The following PHACTR3 variants were observed in gnomAD, a reference collection of about 807,000 sequenced individuals.
PHACTR3 encodes the protein protein phosphatase 1, regulatory subunit 123.
A neutral mutation model predicts 66.8 loss-of-function variants in PHACTR3; 16 were observed. That is an observed-to-expected ratio of 0.24 (90% confidence interval 0.16 to 0.36). PHACTR3 has a LOEUF of 0.36. Ranked by LOEUF, PHACTR3 falls within the 10% of genes least tolerant of loss-of-function variation. The pLI, the probability that PHACTR3 is intolerant of heterozygous loss-of-function variation, is 1.00. For synonymous variants in PHACTR3, 323 were observed against 292.1 expected (o/e 1.11, Z -1.08); for missense variants, 647 against 719.9 (o/e 0.90, Z 1.16).
intron 1 of PHACTR3, among the ~76,000 whole-genome samples, chr20:59,583,769 C>T (rs770026528): frequency 6.6e-6 from 1 of 152,228 alleles, no homozygotes. Context: ...GGGTCTGGCC[C>T]AGGGTTTGCG....
chr20:59,740,488 G>A (rs942749350), intron 1 of PHACTR3, among the ~76,000 whole-genome samples: 1 of 151,162 alleles, frequency 6.6e-6, no homozygotes, highest in East Asian at 1.9e-4. Context: ...TTGTAGAGGT[G>A]GAGTCTCTGT....
At chr20:59,807,697 C>T (rs1054650602) in intron 8 of PHACTR3, among the ~76,000 whole-genome samples, 3 of 152,288 alleles carry the variant, frequency 2.0e-5, no homozygotes, top group East Asian at 3.9e-4. Context: ...GAACGCCTTA[C>T]ACCACGATGT....
chr20:59,604,037 G>A (rs148009477), upstream of PHACTR3: 4,140 of 153,072 alleles, frequency 0.027, 79 homozygotes, highest in Middle Eastern at 0.074. Flanking sequence ...GAAAGCGCCC[G>A]TGCCCTCCTC....
At chr20:59,655,557 C>T (rs2035592072) in intron 1 of PHACTR3, among the ~76,000 whole-genome samples, 1 of 151,858 alleles carries the variant, frequency 6.6e-6, no homozygotes, top group African/African-American at 2.4e-5. Flanking sequence ...CTTTATCAGT[C>T]TAGCTAAAGA....
chr20:59,619,550 C>T (rs573475283), intron 1 of PHACTR3, among the ~76,000 whole-genome samples: 13 of 152,114 alleles, frequency 8.5e-5, no homozygotes, highest in East Asian at 7.8e-4. Context: ...TTCAGCCTTT[C>T]GGACCCCGAG....
At chr20:59,737,249 A>G (rs1023829295) in intron 1 of PHACTR3, among the ~76,000 whole-genome samples, 1 of 152,008 alleles carries the variant, frequency 6.6e-6, no homozygotes, top group African/African-American at 2.4e-5. Flanking sequence ...CGGTCAGTCG[A>G]CACCTGCCCT....
Position 59,808,984 on chromosome 20 carries a change from G to A in PHACTR3, c.1328+2790G>A, listed in dbSNP as rs576817509. On this transcript the variant is annotated intron_variant, in intron 8 of 12. Transcript: ENST00000371015. ...AAACGTGTCCCAGACACCGCCCAACGTCCCCTGAGGTCAGAGACAACAGAA... is the reference window on the plus strand; with the variant it reads ...AAACGTGTCCCAGACACCGCCCAACATCCCCTGAGGTCAGAGACAACAGAA... Among the ~76,000 whole-genome samples, 206 of 152,266 alleles carry A rather than the reference G, an allele frequency of 1.4e-3. 1 individual carries two copies. The highest frequency in any genetic ancestry group is 2.1e-3 in the Non-Finnish European group (141 of 68,024).
At chr20:59,751,282 T>C (rs2039571552) in intron 3 of PHACTR3, among the ~76,000 whole-genome samples, 1 of 152,202 alleles carries the variant, frequency 6.6e-6, no homozygotes, top group East Asian at 1.9e-4. Flanking sequence ...CGCCCTCCTG[T>C]GGCCGGCCAG....
At chr20:59,706,015 G>A (rs996008232) in intron 1 of PHACTR3, among the ~76,000 whole-genome samples, 1 of 152,298 alleles carries the variant, frequency 6.6e-6, no homozygotes, top group African/African-American at 2.4e-5. Context: ...ACCTTCCAAA[G>A]CACCAATTCC....
chr20:59,666,600 G>GAAAC (rs1178939814), intron 1 of PHACTR3, among the ~76,000 whole-genome samples: 64 of 152,102 alleles, frequency 4.2e-4, no homozygotes, highest in African/African-American at 1.4e-3. Context: ...GAAAGGAAGA[G>GAAAC]AAAGATGGAG....
chr20:59,706,568 G>A (rs564810249), intron 1 of PHACTR3, among the ~76,000 whole-genome samples: 257 of 152,320 alleles, frequency 1.7e-3, no homozygotes, highest in African/African-American at 5.8e-3. Flanking sequence ...TGCTGCTCCC[G>A]GTTCCTGCCT....
chr20:59,715,210 G>A (rs146734381), intron 1 of PHACTR3, among the ~76,000 whole-genome samples: 36 of 152,050 alleles, frequency 2.4e-4, no homozygotes, highest in East Asian at 5.8e-4. Flanking sequence ...TCCCAATCTC[G>A]GAGGGAAAGA....
intron 1 of PHACTR3, among the ~76,000 whole-genome samples, chr20:59,713,304 G>A (rs4142051): frequency 0.015 from 2,285 of 152,272 alleles, 17 homozygotes; most frequent in Middle Eastern, 0.024. Flanking sequence ...CTAGGCATAG[G>A]ACATTACTTT....
intron 8 of PHACTR3, among the ~76,000 whole-genome samples, chr20:59,826,108 G>A (rs2042183390): frequency 6.6e-6 from 1 of 150,526 alleles, no homozygotes; most frequent in Non-Finnish European, 1.5e-5. Flanking sequence ...AGGGGACTGT[G>A]TTGTAGCAGC....
At chr20:59,645,963 C>T (rs1321431) in intron 1 of PHACTR3, among the ~76,000 whole-genome samples, 16,871 of 152,204 alleles carry the variant, frequency 0.11, 1,101 homozygotes, top group East Asian at 0.25. Flanking sequence ...CATCACACAG[C>T]CTCACTCAGG....
At chr20:59,609,046 G>T (rs2033766828) in intron 1 of PHACTR3, among the ~76,000 whole-genome samples, 1 of 152,220 alleles carries the variant, frequency 6.6e-6, no homozygotes, top group Non-Finnish European at 1.5e-5. Context: ...AACCTATGTG[G>T]CGGTGCCTGG....
At chr20:59,811,797 C>T (rs540541763) in intron 8 of PHACTR3, among the ~76,000 whole-genome samples, 3 of 152,290 alleles carry the variant, frequency 2.0e-5, no homozygotes, top group East Asian at 3.9e-4. Flanking sequence ...GAGCCCCAGC[C>T]GTCTTTGTCT....
intron 1 of PHACTR3, among the ~76,000 whole-genome samples, chr20:59,614,560 C>G (rs2033966335): frequency 6.6e-6 from 1 of 152,188 alleles, no homozygotes; most frequent in Non-Finnish European, 1.5e-5. Context: ...CGAAATGGAT[C>G]AGCCCTGCAC....
intron 7 of PHACTR3, among the ~76,000 whole-genome samples, chr20:59,802,905 A>G (rs1207867437): frequency 3.3e-5 from 5 of 152,240 alleles, no homozygotes; most frequent in Non-Finnish European, 7.3e-5. Context: ...ACTGAGCAGG[A>G]CTGGTCTGAA....
Sources: allele counts gnomAD v4.1 joint callset (sites outside exome capture counted in the v4.1 genomes callset), GRCh38; gene constraint gnomAD v4.1.1; transcripts MANE v1.5; gene names NCBI Gene and HGNC (gene_info 2026-07-23, HGNC 2026-07-21).